WNK1: variants seen among roughly 807,000 people sequenced by gnomAD.
The protein encoded by WNK1 is WNK lysine deficient protein kinase 1, also known as serine/threonine-protein kinase WNK1.
WNK1 carries 38 observed loss-of-function variants against 222.8 expected under a neutral mutation model. The observed-to-expected ratio is 0.17, with a 90% CI of 0.13 to 0.22. The LOEUF is 0.22. Ranked by LOEUF, WNK1 falls within the 10% of genes least tolerant of loss-of-function variation. The pLI is 1.00. For missense variants in WNK1, 2,348 were observed against 2,918.4 expected, an observed-to-expected ratio of 0.80 and a Z score of 4.50; for synonymous variants, 1,090 against 1,092.9, an observed-to-expected ratio of 1.00 and a Z score of 0.05.
chr12:880,066 A>G, intron 11 of WNK1, 35 bp downstream of exon 11: 1 of 1,591,518 alleles, frequency 6.3e-7, no homozygotes, highest in Non-Finnish European at 8.6e-7. Context: ...GGCACCACAG[A>G]GTTTGATCCT....
intron 1 of WNK1, among the ~76,000 whole-genome samples, chr12:788,887 G>A (rs76853384): frequency 7.8e-6 from 1 of 128,180 alleles, no homozygotes; most frequent in Non-Finnish European, 1.6e-5. Flanking sequence ...ACTCTGTCTC[G>A]GGGGGGAAAA....
At chr12:894,231 TG>T (rs1222842609) in intron 22 of WNK1, among the ~76,000 whole-genome samples, 1 of 152,144 alleles carries the variant, frequency 6.6e-6, no homozygotes, top group Non-Finnish European at 1.5e-5. Context: ...AAAATAAAGA[TG>T]GGTCCTTAAT....
At chr12:888,999 A>G in intron 20 of WNK1, 141 bp from the exon 21 acceptor site, 1 of 748,502 alleles carries the variant, frequency 1.3e-6, no homozygotes. Context: ...AAATTTGAGT[A>G]TAGTTTTGTA....
intron 4 of WNK1, among the ~76,000 whole-genome samples, chr12:848,615 A>G (rs996645879): frequency 6.7e-6 from 1 of 149,500 alleles, no homozygotes; most frequent in Non-Finnish European, 1.5e-5. Context: ...TTAAGAGCCC[A>G]TAGAGAATAA....
chr12:793,835 G>A (rs1945061687), intron 1 of WNK1, among the ~76,000 whole-genome samples: 4 of 152,072 alleles, frequency 2.6e-5, no homozygotes, highest in African/African-American at 9.7e-5. Context: ...GGTTTTTAAA[G>A]TATATTCAGA....
At chr12:831,303 C>T (rs532367469) in intron 4 of WNK1, among the ~76,000 whole-genome samples, 88 of 151,854 alleles carry the variant, frequency 5.8e-4, no homozygotes, top group Middle Eastern at 3.4e-3. Context: ...TTTGGGAGGC[C>T]GAGGCAGGTG....
At chr12:785,371 C>T (rs1278641181) in intron 1 of WNK1, among the ~76,000 whole-genome samples, 1 of 151,800 alleles carries the variant, frequency 6.6e-6, no homozygotes, top group Non-Finnish European at 1.5e-5. Context: ...TCTCCTAGAC[C>T]AATGGTCTAA....
At chr12:865,895 A>T (rs1951627131) in intron 8 of WNK1, among the ~76,000 whole-genome samples, 1 of 152,186 alleles carries the variant, frequency 6.6e-6, no homozygotes, top group African/African-American at 2.4e-5. Flanking sequence ...AGCAAACCAA[A>T]GAACTACATA....
chr12:905,511 C>G (rs1408672856), intron 26 of WNK1, among the ~76,000 whole-genome samples: 2 of 152,170 alleles, frequency 1.3e-5, no homozygotes, highest in Non-Finnish European at 2.9e-5. Flanking sequence ...AATGGTCACG[C>G]CTCCTGAGCT....
chr12:908,430 A>C, intron 27 of WNK1, 45 bp from the exon 28 acceptor site: 1 of 1,591,646 alleles, frequency 6.3e-7, no homozygotes, highest in East Asian at 2.2e-5. Context: ...CACATTTTAT[A>C]CCATGGCCCA....
chr12:889,596 A>T (rs1434875537), intron 21 of WNK1, among the ~76,000 whole-genome samples: 2 of 152,160 alleles, frequency 1.3e-5, no homozygotes, highest in African/African-American at 4.8e-5. Context: ...AGGCGGGCGG[A>T]TCACAAGGTC....
At chr12:854,504 C>T (rs1290133012) in intron 4 of WNK1, among the ~76,000 whole-genome samples, 1 of 151,676 alleles carries the variant, frequency 6.6e-6, no homozygotes, top group Non-Finnish European at 1.5e-5. Flanking sequence ...ATTACAGGCA[C>T]CCGCCATCAT....
chr12:897,441 T>C, intron 24 of WNK1, 38 bp from the exon 25 acceptor site: 1 of 1,253,632 alleles, frequency 8.0e-7, no homozygotes, highest in South Asian at 1.2e-5. Context: ...ATGAAGAGGA[T>C]TATGGTATTT....
intron 5 of WNK1, among the ~76,000 whole-genome samples, chr12:858,765 C>G (rs147990074): frequency 3.3e-4 from 50 of 152,152 alleles, no homozygotes; most frequent in Middle Eastern, 3.4e-3. Context: ...TCCTAATAAT[C>G]AGGAGATGAT....
intron 4 of WNK1, among the ~76,000 whole-genome samples, chr12:831,077 G>T (rs1300726058): frequency 6.6e-6 from 1 of 152,162 alleles, no homozygotes; most frequent in African/African-American, 2.4e-5. Context: ...CTATATTTCT[G>T]TAAGGAGAAG....
chr12:779,883 C>T (rs571021200), intron 1 of WNK1, among the ~76,000 whole-genome samples: 8 of 152,094 alleles, frequency 5.3e-5, no homozygotes, highest in African/African-American at 1.9e-4. Context: ...TTTCTCTTGC[C>T]TGCATTTTTT....
At chr12:821,799 C>T (rs1158334161) in intron 2 of WNK1, among the ~76,000 whole-genome samples, 2 of 152,054 alleles carry the variant, frequency 1.3e-5, no homozygotes, top group Admixed American at 1.3e-4. Flanking sequence ...TTATCTCTTG[C>T]ATCAGTATTT....
At position 908,787 on chromosome 12, in the gene WNK1, A is replaced by G; in HGVS notation, c.7144A>G (p.Thr2382Ala). The change falls in exon 28 of 28, where the codon ACT becomes GCT. Residue 2382 changes from threonine to alanine, a missense_variant. Physicochemically the swap from Thr to Ala is moderately conservative, Grantham distance 58 (BLOSUM62 0). Around this residue, in one of 13 missense-constraint regions of WNK1, gnomAD observed 76 missense variants for 85.7 expected, o/e 0.89. Coordinates refer to ENST00000315939, the MANE Select transcript of WNK1 (RefSeq NM_018979.4). ...CCCCCCAGGCTCCAACCTGCGGACC[A>G]CTTAGACCTAGAGACATTAACTGAA... ...SNPPGSNLRTT is the reference protein window; with the variant it reads ...SNPPGSNLRTA 1 of 1,465,434 alleles carries G rather than the reference A, an allele frequency of 6.8e-7. No individual in the cohort carries two copies. The allele number at this position is 1,465,434 out of a possible 1,614,324, so 90.8% of individuals were successfully genotyped here.
chr12:787,607 A>G (rs1360628722), intron 1 of WNK1, among the ~76,000 whole-genome samples: 2 of 152,118 alleles, frequency 1.3e-5, no homozygotes, highest in Admixed American at 6.6e-5. Flanking sequence ...CTTAACCTAT[A>G]TTAGCTTTCT....
Sources: gnomAD v4.1 joint callset for allele counts (sites outside exome capture counted in the v4.1 genomes callset) on GRCh38, gnomAD v4.1.1 for gene constraint, gnomAD v4.1.1 regional missense constraint, MANE v1.5 for transcripts, NCBI Gene and HGNC (gene_info 2026-07-23, HGNC 2026-07-21) for gene names.